The following MRPL43 variants were observed in gnomAD, a reference collection of about 807,000 sequenced individuals.
MRPL43 encodes mitochondrial ribosomal protein L43.
MRPL43 carries 9 observed loss-of-function variants against 12.7 expected under a neutral mutation model. That is an observed-to-expected ratio of 0.71 (90% CI 0.43 to 1.24). The LOEUF is 1.24. MRPL43 is among the 50% of genes most tolerant of loss of function. The pLI is 0.00. For missense variants in MRPL43, 211 were observed against 229.2 expected (o/e 0.92, Z 0.51); for synonymous variants, 116 against 96.4 (o/e 1.20, Z -1.19).
chr10:100,985,876 C>G (rs1050314820), downstream of MRPL43: 1 of 152,416 alleles, frequency 6.6e-6, no homozygotes, highest in South Asian at 2.1e-4. Context: ...AGAATTCTTA[C>G]AGGGGTTTCT....
rs931201356 is a variant in MRPL43 at position 100,987,475 on chromosome 10, A to G, written c.-32T>C. 3 of 1,607,024 alleles carry G rather than the reference A, an allele frequency of 1.9e-6. No individual in the cohort carries two copies. The highest frequency in any genetic ancestry group is 2.5e-6 in the Non-Finnish European group (3 of 1,177,040). On this transcript the variant is annotated 5_prime_UTR_variant, in exon 1 of 3. Coordinates refer to ENST00000318364, the MANE Select transcript of MRPL43 (RefSeq NM_032112.3). ...AGCTTGGAGGCCGCGGAGCCTAAGC[A>G]GCGAGGAGAGGGGGGCGGGACTAAA...
downstream of MRPL43, chr10:100,980,187 G>A (rs755190563): frequency 1.9e-6 from 3 of 1,614,130 alleles, no homozygotes; most frequent in African/African-American, 2.7e-5. Context: ...CCCTGGTCCT[G>A]GACTTTGTAA....
chr10:100,980,862 TA>T, downstream of MRPL43: 1 of 1,605,572 alleles, frequency 6.2e-7, no homozygotes, highest in Admixed American at 1.7e-5. Context: ...GTCATCCAGC[TA>T]CCACTCTCCA....
downstream of MRPL43, chr10:100,984,119 G>C (rs138231164): frequency 1.3e-4 from 210 of 1,610,222 alleles, no homozygotes; most frequent in Non-Finnish European, 1.6e-4. Flanking sequence ...AGCTAGATGA[G>C]AGCTCTGTCT....
downstream of MRPL43, chr10:100,984,882 T>C: frequency 6.8e-7 from 1 of 1,476,186 alleles, no homozygotes; most frequent in Non-Finnish European, 9.0e-7. Flanking sequence ...TTGGTCATTC[T>C]CAAGAGTATG....
chr10:100,979,193 T>C, downstream of MRPL43: 1 of 1,614,188 alleles, frequency 6.2e-7, no homozygotes, highest in Non-Finnish European at 8.5e-7. Context: ...TATGAGACAC[T>C]GCGTGGGGTC....
downstream of MRPL43, chr10:100,984,829 T>C: frequency 6.6e-7 from 1 of 1,521,890 alleles, no homozygotes. Flanking sequence ...TCCCCTCCTC[T>C]CCCTTCCTGT....
rs1156363534 is a variant in MRPL43 at position 100,987,215 on chromosome 10, T to G, written c.132-19A>C. On this transcript the variant is annotated intron_variant, in intron 1 of 2. Coordinates refer to ENST00000318364, the MANE Select transcript of MRPL43 (RefSeq NM_032112.3). ...GAACTCCCTAAGCGACCCGGGACAG[T>G]GAGCAGTATGACCCCTGACTGGGGG... is the stretch of plus-strand genomic sequence containing the variant. The G allele has an allele frequency of 6.2e-7, 1 of 1,613,344 alleles. No homozygotes were observed. Among genetic ancestry groups the G allele is most frequent in the Non-Finnish European group, 8.5e-7 (1 of 1,179,954 alleles).
chr10:100,977,914 A>G (rs1850871113), downstream of MRPL43: 1 of 601,626 alleles, frequency 1.7e-6, no homozygotes, highest in African/African-American at 1.9e-5. Context: ...TGTAAAAACC[A>G]TGCAGTTTTT....
downstream of MRPL43, chr10:100,981,487 G>A (rs770536971): frequency 1.2e-5 from 20 of 1,614,072 alleles, no homozygotes; most frequent in Non-Finnish European, 1.5e-5. Context: ...TGGATGACAA[G>A]GGTTCAGGAC....
downstream of MRPL43, chr10:100,985,075 C>T: frequency 1.6e-6 from 1 of 638,296 alleles, no homozygotes; most frequent in Non-Finnish European, 2.5e-6. Context: ...TAACTGTCCT[C>T]ACAGGCCCTT....
downstream of MRPL43, chr10:100,983,208 G>A: frequency 7.4e-7 from 1 of 1,360,464 alleles, no homozygotes. Flanking sequence ...TGGGTTCTGT[G>A]CTTGGTGCCA....
downstream of MRPL43, chr10:100,985,375 G>T (rs756150215): frequency 6.5e-6 from 1 of 154,780 alleles, no homozygotes; most frequent in Non-Finnish European, 1.4e-5. Flanking sequence ...CATTCCCCTC[G>T]GGTGAGGATG....
chr10:100,984,738 T>C (rs941896553), downstream of MRPL43: 6 of 1,536,034 alleles, frequency 3.9e-6, no homozygotes, highest in African/African-American at 8.2e-5. Context: ...TCCTATCTGG[T>C]CCTCTTCCCC....
At chr10:100,980,974 A>G (rs1229597463), downstream of MRPL43, 2 of 1,602,052 alleles carry the variant, frequency 1.2e-6, no homozygotes, top group Non-Finnish European at 1.7e-6. Flanking sequence ...CCACCACCAT[A>G]GCCAACAGGT....
Position 100,987,418 on chromosome 10 carries a change from C to T in MRPL43, c.26G>A (p.Arg9His). MTARGTPS[R>H]FLASVLHNGL... ...GTTGTGGAGAACGCTGGCCAAGAAG[C>T]GGCTCGGAGTCCCGCGCGCCGTCAT... Residue 9 changes from arginine to histidine, a missense_variant, in exon 1 of 3, where the codon CGC becomes CAC. Coordinates refer to ENST00000318364, the MANE Select transcript of MRPL43 (RefSeq NM_032112.3). 6.2e-7 allele frequency: 1 copy of T among 1,612,370 alleles called. No individual in the cohort carries two copies. Among genetic ancestry groups the T allele is most frequent in the Non-Finnish European group, 8.5e-7 (1 of 1,179,866 alleles).
chr10:100,978,551 G>A (rs775330142), downstream of MRPL43: 11 of 1,614,130 alleles, frequency 6.8e-6, no homozygotes, highest in Non-Finnish European at 8.5e-6. Flanking sequence ...ACAGCCACTA[G>A]GTATGAATTC....
Position 100,987,136 on chromosome 10 carries a change from A to G in MRPL43, c.192T>C (p.Tyr64=), listed in dbSNP as rs11190782. ...FARRNPGVVI[Y]VNSRPCCVPR... Reference sequence around the variant, plus strand: ...GCACGCAGCACGGACGCGAGTTTACATATATTACGACCCCTGGATTCCGTC... The same window carrying G: ...GCACGCAGCACGGACGCGAGTTTACGTATATTACGACCCCTGGATTCCGTC... The change falls in exon 2 of 3, where the codon TAT becomes TAC. Residue 64 remains tyrosine, a synonymous_variant. Coordinates refer to ENST00000318364, the MANE Select transcript of MRPL43 (RefSeq NM_032112.3). 6.2e-7 allele frequency: 1 copy of G among 1,613,830 alleles called. No individual in the cohort carries two copies. Among genetic ancestry groups the G allele is most frequent in the South Asian group, 1.1e-5 (1 of 91,072 alleles).
chr10:100,980,074 G>C (rs1850989225), downstream of MRPL43: 2 of 1,613,178 alleles, frequency 1.2e-6, no homozygotes, highest in East Asian at 4.5e-5. Flanking sequence ...GGAGAGGGCA[G>C]GCAGGTGGTG....
Sources: allele counts gnomAD v4.1 joint callset, GRCh38; gene constraint gnomAD v4.1.1; transcripts MANE v1.5; gene names NCBI Gene and HGNC (gene_info 2026-07-23, HGNC 2026-07-21).